SLC44A5: variants seen among roughly 807,000 people sequenced by gnomAD.
SLC44A5 encodes the protein solute carrier family 44 member 5, also known as choline transporter-like protein 5.
In SLC44A5, 57 loss-of-function variants were observed where a neutral mutation model predicts 101.8. That is an observed-to-expected ratio of 0.56 (90% CI 0.45 to 0.70). The LOEUF is 0.70. SLC44A5 is among the 30% of genes least tolerant of loss of function. The pLI, the probability that SLC44A5 is intolerant of heterozygous loss-of-function variation, is 0.00. For missense variants in SLC44A5, 737 were observed against 853.1 expected (o/e 0.86, Z 1.70); for synonymous variants, 281 against 290.9 (o/e 0.97, Z 0.35).
In SLC44A5 at chr1:75,556,850, G is replaced by T. The variant is rs575437067; in HGVS notation, c.-69-15334C>A. Reference sequence around the variant, plus strand: ...TATATGATCGCTGCTATATCTTCTGGAATCACAGGACTCCAGGTAAAATAA... The same window carrying T: ...TATATGATCGCTGCTATATCTTCTGTAATCACAGGACTCCAGGTAAAATAA... On this transcript the variant is annotated intron_variant, in intron 1 of 23. Coordinates refer to ENST00000370859, the MANE Select transcript of SLC44A5 (RefSeq NM_001130058.2). Among the ~76,000 whole-genome samples the T allele has an allele frequency of 6.6e-5, 10 of 152,026 alleles. No homozygotes were observed. The South Asian group carries it at 1.9e-3, about 28-fold the overall frequency.
chr1:75,367,535 T>A (rs993720221), intron 3 of SLC44A5, among the ~76,000 whole-genome samples: 1 of 152,188 alleles, frequency 6.6e-6, no homozygotes, highest in Non-Finnish European at 1.5e-5. Context: ...TCCTGGATCA[T>A]GGCTCAGAGG....
chr1:75,229,761 A>T (rs1001394815), intron 12 of SLC44A5, among the ~76,000 whole-genome samples: 1 of 152,208 alleles, frequency 6.6e-6, no homozygotes, highest in Non-Finnish European at 1.5e-5. Flanking sequence ...TTACTGTTGT[A>T]CATCAAGAGT....
intron 7 of SLC44A5, among the ~76,000 whole-genome samples, chr1:75,247,366 A>G (rs1302808947): frequency 6.6e-6 from 1 of 152,110 alleles, no homozygotes; most frequent in African/African-American, 2.4e-5. Context: ...AAAGTCAGAG[A>G]TTAGGAATTC....
chr1:75,251,896 T>C (rs1649611468), intron 6 of SLC44A5, among the ~76,000 whole-genome samples: 1 of 152,182 alleles, frequency 6.6e-6, no homozygotes, highest in South Asian at 2.1e-4. Flanking sequence ...CTTTGAGTGG[T>C]ATATTACTCT....
chr1:75,647,996 T>C, the SLC44A5 span, among the ~76,000 whole-genome samples: 1 of 152,180 alleles, frequency 6.6e-6, no homozygotes, highest in African/African-American at 2.4e-5. Flanking sequence ...AGACAAGATT[T>C]GGGATGAGCC....
chr1:75,396,675 A>T, intron 2 of SLC44A5, 54 bp from the exon 3 acceptor site: 1 of 1,365,556 alleles, frequency 7.3e-7, no homozygotes, highest in Non-Finnish European at 1.0e-6. Context: ...GATGACTCTG[A>T]GGTTCTATAC....
chr1:75,540,362 C>A (rs1671292549), intron 2 of SLC44A5, among the ~76,000 whole-genome samples: 1 of 152,176 alleles, frequency 6.6e-6, no homozygotes, highest in South Asian at 2.1e-4. Context: ...TCCTCTAAGT[C>A]TGTCGTTCTC....
intron 3 of SLC44A5, among the ~76,000 whole-genome samples, chr1:75,345,230 C>T (rs1276973850): frequency 6.6e-6 from 1 of 152,016 alleles, no homozygotes; most frequent in African/African-American, 2.4e-5. Flanking sequence ...ATTGTAATGT[C>T]AAGGCAAGTA....
chr1:75,471,463 G>A (rs894564373), intron 2 of SLC44A5, among the ~76,000 whole-genome samples: 1 of 151,690 alleles, frequency 6.6e-6, no homozygotes, highest in East Asian at 1.9e-4. Context: ...AGAAAAGGAG[G>A]GAGGAATGAC....
At chr1:75,532,122 C>T (rs188685082) in intron 2 of SLC44A5, among the ~76,000 whole-genome samples, 1 of 152,264 alleles carries the variant, frequency 6.6e-6, no homozygotes, top group Non-Finnish European at 1.5e-5. Context: ...TTAACAAGCT[C>T]TCCAGGTGGT....
chr1:75,206,484 G>T, intron 23 of SLC44A5: 1 of 667,302 alleles, frequency 1.5e-6, no homozygotes. Flanking sequence ...GTAGTACCAG[G>T]TGCTGACTTC....
intron 12 of SLC44A5, among the ~76,000 whole-genome samples, chr1:75,230,494 C>A (rs546980165): frequency 6.6e-6 from 1 of 152,164 alleles, no homozygotes; most frequent in East Asian, 1.9e-4. Flanking sequence ...TGCGATCCAC[C>A]TGCCTTAGCT....
upstream of SLC44A5, among the ~76,000 whole-genome samples, chr1:75,614,988 C>T (rs1675805097): frequency 6.6e-6 from 1 of 152,072 alleles, no homozygotes; most frequent in African/African-American, 2.4e-5. Context: ...GCTCCCCGCG[C>T]GCCGGCTCTG....
intron 1 of SLC44A5, among the ~76,000 whole-genome samples, chr1:75,596,709 T>C (rs1302747725): frequency 2.6e-5 from 4 of 152,170 alleles, no homozygotes; most frequent in African/African-American, 7.2e-5. Flanking sequence ...CACATGATTA[T>C]CTCAATAGAT....
At chr1:75,544,286 C>T (rs1192840994) in intron 1 of SLC44A5, among the ~76,000 whole-genome samples, 2 of 152,168 alleles carry the variant, frequency 1.3e-5, no homozygotes, top group African/African-American at 4.8e-5. Flanking sequence ...AAGTCCTCAC[C>T]AAATGCAGCC....
At chr1:75,686,537 A>T in the SLC44A5 span, among the ~76,000 whole-genome samples, 3 of 152,216 alleles carry the variant, frequency 2.0e-5, no homozygotes, top group Non-Finnish European at 4.4e-5. Flanking sequence ...GATGGGAAGA[A>T]TCGTAAGGAA....
chr1:75,247,398 G>C (rs1044553735), intron 7 of SLC44A5, among the ~76,000 whole-genome samples: 1 of 152,086 alleles, frequency 6.6e-6, no homozygotes, highest in Non-Finnish European at 1.5e-5. Flanking sequence ...TGTTAAATTT[G>C]AGATGCCAAC....
chr1:75,356,209 C>CAAA lies in SLC44A5; in HGVS notation c.53-16582_53-16580dup, dbSNP rs35660365. ...GCCTGGTGACAAAGCAAGACTGCCTCAAAAAAAAAAAAAAAAAAAAAAAGA... is the reference window on the plus strand; with the variant it reads ...GCCTGGTGACAAAGCAAGACTGCCTCAAAAAAAAAAAAAAAAAAAAAAAAAAGA... On this transcript the variant is annotated intron_variant, in intron 3 of 23. Transcript: ENST00000370859. Among the ~76,000 whole-genome samples the CAAA allele has an allele frequency of 5.8e-3, 436 of 75,534 alleles. 4 individuals carry two copies. The highest frequency in any genetic ancestry group is 7.8e-3 in the Non-Finnish European group (320 of 41,192). The allele number at this position is 75,534 out of a possible 152,430, so 49.6% of individuals were successfully genotyped here.
At chr1:75,345,577 T>G (rs777199718) in intron 3 of SLC44A5, among the ~76,000 whole-genome samples, 1 of 152,132 alleles carries the variant, frequency 6.6e-6, no homozygotes, top group Non-Finnish European at 1.5e-5. Context: ...TACCAATAAT[T>G]CTAGAAGGAT....
Sources: gnomAD v4.1 joint callset for allele counts (sites outside exome capture counted in the v4.1 genomes callset) on GRCh38, gnomAD v4.1.1 for gene constraint, MANE v1.5 for transcripts, NCBI Gene and HGNC (gene_info 2026-07-23, HGNC 2026-07-21) for gene names.